Variants in TCTA observed in about 807,000 individuals in gnomAD.
TCTA encodes T cell leukemia translocation altered.
TCTA carries 13 observed loss-of-function variants against 13.5 expected under a neutral mutation model. The ratio of observed to expected loss-of-function variants is 0.96; its 90% CI spans 0.63 to 1.53. TCTA has a LOEUF of 1.53. Among genes scored for constraint, TCTA ranks in the 40% most tolerant of loss-of-function variants. TCTA has a pLI of 0.00. For missense variants in TCTA, 138 were observed against 131.3 expected (o/e 1.05, Z -0.25); for synonymous variants, 58 against 59.0 (o/e 0.98, Z 0.08).
At chr3:49,414,127 G>C (rs1559526051) in intron 2 of TCTA, among the ~76,000 whole-genome samples, 1 of 151,994 alleles carries the variant, frequency 6.6e-6, no homozygotes, top group Non-Finnish European at 1.5e-5. Flanking sequence ...TGTAATCCCA[G>C]CTACTCGGGA....
chr3:49,414,593 G>A (rs1203979668), intron 2 of TCTA, among the ~76,000 whole-genome samples: 2 of 152,144 alleles, frequency 1.3e-5, no homozygotes, highest in African/African-American at 2.4e-5. Flanking sequence ...ACTAGAGAAG[G>A]ATGGCAATGC....
rs563928830 is a variant in TCTA at position 49,412,480 on chromosome 3, G to A, written c.54G>A (p.Leu18=). 1.7e-5 allele frequency: 27 copies of A among 1,613,886 alleles called. No individual in the cohort carries two copies. The South Asian group carries it at 2.7e-4, about 16-fold the overall frequency. ...TGCAGGCTCTGCCGGCCACGGTGCT[G>A]GGCGCGCTGGGCAGCGAGTTCTTGC... ...QALQALPATV[L]GALGSEFLRE... is the part of the protein sequence containing the mutation. Residue 18 remains leucine, a synonymous_variant, in exon 1 of 3, where the codon CTG becomes CTA. Coordinates refer to ENST00000273590, the MANE Select transcript of TCTA (RefSeq NM_022171.3).
rs776716893 is a variant in TCTA, at chr3:49,414,914, C to A, written c.*52C>A. On this transcript the variant is annotated 3_prime_UTR_variant, in exon 3 of 3. Coordinates refer to ENST00000273590, the MANE Select transcript of TCTA (RefSeq NM_022171.3). ...GCATCACTGGGTCTGCTGGCTTCTA[C>A]ACTGGGTTCTGCTACTCCCCAGACC... 6.2e-7 allele frequency: 1 copy of A among 1,610,916 alleles called. No homozygotes were observed. The highest frequency in any genetic ancestry group is 2.2e-5 in the East Asian group (1 of 44,830).
intron 2 of TCTA, chr3:49,413,448 C>T (rs2048974323): frequency 3.9e-6 from 1 of 257,406 alleles, no homozygotes. Flanking sequence ...TCATCAGGGT[C>T]AGCCTCCTCT....
Position 49,416,249 on chromosome 3 carries a change from C to T in TCTA, c.*1387C>T. 1 of 161,574 alleles carries T rather than the reference C, an allele frequency of 6.2e-6. No homozygotes were observed. Among genetic ancestry groups the T allele is most frequent in the South Asian group, 1.6e-4 (1 of 6,242 alleles). The allele number at this position is 161,574 out of a possible 1,614,324, so 10.0% of individuals were successfully genotyped here. On this transcript the variant is annotated 3_prime_UTR_variant, in exon 3 of 3. Coordinates refer to ENST00000273590, the MANE Select transcript of TCTA (RefSeq NM_022171.3). The stretch of plus-strand genomic sequence containing the variant: ...TGTTTCCATCTGCTGGGCCACCAGC[C>T]ACTTTAGTGACCCCTGCCTACTTCC...
intron 2 of TCTA, chr3:49,413,419 T>G: frequency 1.5e-5 from 6 of 389,194 alleles, no homozygotes; most frequent in South Asian, 3.1e-5. Context: ...CAGTAATCTC[T>G]GTCCTGAGCA....
chr3:49,413,341 T>C, intron 2 of TCTA: 1 of 563,272 alleles, frequency 1.8e-6, no homozygotes, highest in East Asian at 3.0e-5. Context: ...GGTATTGTCA[T>C]AATTTCAGAG....
At chr3:49,413,705 G>T (rs1302846539) in intron 2 of TCTA, among the ~76,000 whole-genome samples, 2 of 152,162 alleles carry the variant, frequency 1.3e-5, no homozygotes, top group African/African-American at 4.8e-5. Context: ...CAAGCAAAGG[G>T]AATGGATTGA....
At chr3:49,412,709 G>A (rs1575299248) in intron 1 of TCTA, 69 bp downstream of exon 1, 2 of 1,542,398 alleles carry the variant, frequency 1.3e-6, no homozygotes, top group East Asian at 4.5e-5. Context: ...TGTACCATTG[G>A]GTTCCCCACT....
chr3:49,415,033 A>C lies in TCTA; in HGVS notation c.*171A>C, dbSNP rs2048989583. On this transcript the variant is annotated 3_prime_UTR_variant, in exon 3 of 3. Coordinates refer to ENST00000273590, the MANE Select transcript of TCTA (RefSeq NM_022171.3). ...TTCTGCCTCTTAAGCCTGCTCCCTC[A>C]CCCAGGCACTGGGCAAGTGAAGAGT... is the stretch of plus-strand genomic sequence containing the variant. 1 of 689,168 alleles carries C rather than the reference A, an allele frequency of 1.5e-6. No homozygotes were observed. The highest frequency in any genetic ancestry group is 2.4e-6 in the Non-Finnish European group (1 of 412,686). 42.7% of individuals were successfully genotyped at this position (689,168 alleles called of 1,614,324 possible).
chr3:49,413,166 G>C, intron 2 of TCTA, 56 bp downstream of exon 2: 1 of 1,599,748 alleles, frequency 6.3e-7, no homozygotes, highest in Non-Finnish European at 8.6e-7. Context: ...GGACACTCCT[G>C]TGCTGGTGAC....
At position 49,413,659 on chromosome 3, in the gene TCTA, A is replaced by G. The variant is rs186284864; in HGVS notation, c.269+549A>G. ...AGGCTTCTCCCAAGAAAGACACCTA[A>G]GCCGAGATCAAATGCCACAGGGTGA... is the stretch of plus-strand genomic sequence containing the variant. On this transcript the variant is annotated intron_variant, in intron 2 of 2. Coordinates refer to ENST00000273590, the MANE Select transcript of TCTA (RefSeq NM_022171.3). Among the ~76,000 whole-genome samples the G allele has an allele frequency of 3.3e-5, 5 of 152,304 alleles. No individual in the cohort carries two copies. In the East Asian group the frequency reaches 9.7e-4, roughly 29 times the overall value.
intron 1 of TCTA, 137 bp downstream of exon 1, chr3:49,412,777 G>T: frequency 9.3e-7 from 1 of 1,075,830 alleles, no homozygotes; most frequent in Non-Finnish European, 1.3e-6. Flanking sequence ...TACCCTGAAC[G>T]CATCTGACCT....
In TCTA at chr3:49,414,951, T is replaced by A; in HGVS notation, c.*89T>A. 6.4e-7 allele frequency: 1 copy of A among 1,551,262 alleles called. No individual in the cohort carries two copies. The highest frequency in any genetic ancestry group is 8.9e-7 in the Non-Finnish European group (1 of 1,128,434). On this transcript the variant is annotated 3_prime_UTR_variant, in exon 3 of 3. Transcript: ENST00000273590. ...CTACTCCCCAGACCTCAGGGACAACTGCCGGGGGTTCAGGGTTGGTAGCAG... is the reference window on the plus strand; with the variant it reads ...CTACTCCCCAGACCTCAGGGACAACAGCCGGGGGTTCAGGGTTGGTAGCAG...
chr3:49,412,903 C>T, intron 1 of TCTA, 153 bp from the exon 2 acceptor site: 1 of 793,562 alleles, frequency 1.3e-6, no homozygotes, highest in Non-Finnish European at 2.0e-6. Context: ...GTATCTGTTC[C>T]TCAGAACTCT....
At position 49,412,582 on chromosome 3, in the gene TCTA, C is replaced by T; in HGVS notation, c.156C>T (p.Gly52=). Residue 52 remains glycine (G), a synonymous_variant, in exon 1 of 3, where the codon GGC becomes GGT. Transcript: ENST00000273590. ...TGTGGTTGGTGTTAAGTCTCCTGGG[C>T]ATCCAGCTGGCGTGGGGGTTCTACG... ...LLLWLVLSLL[G]IQLAWGFYGN... 6.2e-7 allele frequency: 1 copy of T among 1,614,264 alleles called. No homozygotes were observed. Among genetic ancestry groups the T allele is most frequent in the South Asian group, 1.1e-5 (1 of 91,082 alleles).
Position 49,414,939 on chromosome 3 carries a change from C to T in TCTA, c.*77C>T. ...CACTGGGTTCTGCTACTCCCCAGAC[C>T]TCAGGGACAACTGCCGGGGGTTCAG... is the stretch of plus-strand genomic sequence containing the variant. On this transcript the variant is annotated 3_prime_UTR_variant, in exon 3 of 3. Transcript: ENST00000273590. The T allele has an allele frequency of 6.3e-7, 1 of 1,587,560 alleles. No homozygotes were observed. The highest frequency in any genetic ancestry group is 8.6e-7 in the Non-Finnish European group (1 of 1,158,020).
rs1445019166 is a variant in TCTA at position 49,412,558 on chromosome 3, G to C, written c.132G>C (p.Leu44=). Residue 44 remains leucine (L), a synonymous_variant, in exon 1 of 3, where the codon CTG becomes CTC. Coordinates refer to ENST00000273590, the MANE Select transcript of TCTA (RefSeq NM_022171.3). ...TGACCCTCTTCAAGCTGCTGCTGCTGTGGTTGGTGTTAAGTCTCCTGGGCA... is the reference window on the plus strand; with the variant it reads ...TGACCCTCTTCAAGCTGCTGCTGCTCTGGTTGGTGTTAAGTCTCCTGGGCA... The part of the protein sequence containing the change: ...MRVTLFKLLL[L]WLVLSLLGIQ... 1.2e-6 allele frequency: 2 copies of C among 1,614,142 alleles called. No homozygotes were observed. Among genetic ancestry groups the C allele is most frequent in the African/African-American group, 2.7e-5 (2 of 74,954 alleles).
In TCTA at chr3:49,414,933, C is replaced by A; in HGVS notation, c.*71C>A. ...CTTCTACACTGGGTTCTGCTACTCC[C>A]CAGACCTCAGGGACAACTGCCGGGG... On this transcript the variant is annotated 3_prime_UTR_variant, in exon 3 of 3. Coordinates refer to ENST00000273590, the MANE Select transcript of TCTA (RefSeq NM_022171.3). 6.3e-7 allele frequency: 1 copy of A among 1,597,244 alleles called. No homozygotes were observed. The highest frequency in any genetic ancestry group is 2.2e-5 in the East Asian group (1 of 44,598).
Sources: gnomAD v4.1 joint callset for allele counts (sites outside exome capture counted in the v4.1 genomes callset) on GRCh38, gnomAD v4.1.1 for gene constraint, MANE v1.5 for transcripts, NCBI Gene and HGNC (gene_info 2026-07-23, HGNC 2026-07-21) for gene names.